ZC3H7A: variants seen among roughly 807,000 people sequenced by gnomAD.
ZC3H7A encodes the protein zinc finger CCCH-type containing 7A, also known as zinc finger CCCH domain-containing protein 7A.
In ZC3H7A, 44 loss-of-function variants were observed where a neutral mutation model predicts 125.5. The ratio of observed to expected loss-of-function variants is 0.35; its 90% confidence interval spans 0.28 to 0.45. ZC3H7A has a LOEUF of 0.45. Ranked by LOEUF, ZC3H7A falls within the 20% of genes least tolerant of loss-of-function variation. ZC3H7A has a pLI of 1.00. For synonymous variants in ZC3H7A, 399 were observed against 391.2 expected (o/e 1.02, Z -0.23); for missense variants, 977 against 1,170.7 (o/e 0.83, Z 2.41).
chr16:11,791,996 C>CA (rs1198968019), intron 1 of ZC3H7A, among the ~76,000 whole-genome samples: 1 of 152,192 alleles, frequency 6.6e-6, no homozygotes, highest in South Asian at 2.1e-4. Flanking sequence ...ACTGCAGCCT[C>CA]AACCTCCAGA....
rs554296606 is a variant in ZC3H7A, at chr16:11,786,332, A to C, written c.-34-3944T>G. On this transcript the variant is annotated intron_variant, in intron 1 of 22. Coordinates refer to ENST00000355758, the MANE Select transcript of ZC3H7A (RefSeq NM_014153.4). The stretch of plus-strand genomic sequence containing the variant: ...AGGGAACAAAAGAAAAGGATGTCTG[A>C]AACCAGGACGATGGCCACACAGTTC... Among the ~76,000 whole-genome samples, 202 of 152,308 alleles carry C rather than the reference A, an allele frequency of 1.3e-3. 3 individuals are homozygous for C. The highest frequency in any genetic ancestry group is 3.5e-3 in the South Asian group (17 of 4,834).
chr16:11,796,542 G>C (rs1419202255), intron 1 of ZC3H7A: 1 of 152,712 alleles, frequency 6.5e-6, no homozygotes, highest in African/African-American at 2.4e-5. Context: ...AGGCCTGACC[G>C]GAAGCCCCGC....
chr16:11,792,782 C>G (rs1297164680), intron 1 of ZC3H7A, among the ~76,000 whole-genome samples: 2 of 152,220 alleles, frequency 1.3e-5, no homozygotes, highest in Non-Finnish European at 2.9e-5. Flanking sequence ...GCCTATCCAC[C>G]TGGCTCTTCT....
intron 21 of ZC3H7A, among the ~76,000 whole-genome samples, chr16:11,754,470 G>C (rs1294728737): frequency 1.3e-5 from 2 of 151,734 alleles, no homozygotes; most frequent in African/African-American, 4.8e-5. Flanking sequence ...GGCCTGCAAT[G>C]GGCAATGAAA....
chr16:11,776,677 A>C, intron 5 of ZC3H7A, 74 bp downstream of exon 5: 1 of 1,534,326 alleles, frequency 6.5e-7, no homozygotes, highest in Non-Finnish European at 8.7e-7. Flanking sequence ...TGACTGGAAA[A>C]TTTAACTCTT....
At chr16:11,786,196 G>T (rs937405473) in intron 1 of ZC3H7A, among the ~76,000 whole-genome samples, 1 of 152,128 alleles carries the variant, frequency 6.6e-6, no homozygotes, top group African/African-American at 2.4e-5. Context: ...AGGGACCACC[G>T]GGCTTTTGTT....
intron 9 of ZC3H7A, among the ~76,000 whole-genome samples, chr16:11,773,277 G>A (rs902524882): frequency 2.0e-5 from 3 of 151,786 alleles, no homozygotes; most frequent in Admixed American, 6.6e-5. Context: ...CCTCCTGGGC[G>A]CAAGTGATCC....
chr16:11,760,970 T>A (rs1383798343), intron 19 of ZC3H7A, among the ~76,000 whole-genome samples: 1 of 152,190 alleles, frequency 6.6e-6, no homozygotes, highest in African/African-American at 2.4e-5. Context: ...AAGTTAGGTG[T>A]CTTGTAGCTA....
chr16:11,758,805 A>C lies in ZC3H7A; in HGVS notation c.2320-266T>G, dbSNP rs2052694784. On this transcript the variant is annotated intron_variant, in intron 19 of 22. Transcript: ENST00000355758. ...ATTTTCTTACAAGAAAATGTCTACA[A>C]ACTCACTTACTCAGAACATTTAATC... The C allele has an allele frequency of 1.1e-5, 4 of 375,180 alleles. 1 individual carries two copies. The highest frequency in any genetic ancestry group is 1.1e-4 in the South Asian group (4 of 37,650). 23.2% of individuals were successfully genotyped at this position (375,180 alleles called of 1,614,324 possible).
chr16:11,777,227 C>A (rs2053095733), intron 4 of ZC3H7A, among the ~76,000 whole-genome samples: 1 of 152,166 alleles, frequency 6.6e-6, no homozygotes, highest in East Asian at 1.9e-4. Flanking sequence ...CTCCTATTCG[C>A]TCCTCTGTAG....
Position 11,764,721 on chromosome 16 carries a change from C to CA in ZC3H7A, c.1820+331dup, listed in dbSNP as rs1245189573. Reference sequence around the variant, plus strand: ...TGGGTGACAGAGCGAGACTCTGTCTCAAAAAAAACAAACAAAAAAACCAAA... The same window carrying CA: ...TGGGTGACAGAGCGAGACTCTGTCTCAAAAAAAAACAAACAAAAAAACCAAA... On this transcript the variant is annotated intron_variant, in intron 15 of 22. Coordinates refer to ENST00000355758, the MANE Select transcript of ZC3H7A (RefSeq NM_014153.4). Among the ~76,000 whole-genome samples, 8 of 149,614 alleles carry CA rather than the reference C, an allele frequency of 5.3e-5. No homozygotes were observed. In the East Asian group the frequency reaches 5.9e-4, roughly 11 times the overall value.
At chr16:11,772,523 C>T (rs1182694788) in intron 9 of ZC3H7A, among the ~76,000 whole-genome samples, 1 of 151,776 alleles carries the variant, frequency 6.6e-6, no homozygotes, top group Non-Finnish European at 1.5e-5. Context: ...GATGAAGTAA[C>T]TTGCCCAGTA....
chr16:11,768,583 T>C (rs767310399), intron 11 of ZC3H7A, 82 bp from the exon 12 acceptor site: 7 of 1,229,746 alleles, frequency 5.7e-6, no homozygotes, highest in African/African-American at 1.5e-5. Context: ...TGAATTCATC[T>C]GAAAAATAAG....
intron 20 of ZC3H7A, among the ~76,000 whole-genome samples, chr16:11,757,017 T>A (rs1235266113): frequency 6.6e-6 from 1 of 152,142 alleles, no homozygotes; most frequent in Non-Finnish European, 1.5e-5. Context: ...TCAGCCTCCA[T>A]GTGGTTGACA....
Position 11,755,903 on chromosome 16 carries a change from G to A in ZC3H7A, c.2562+334C>T, listed in dbSNP as rs186987137. 7.6e-3 allele frequency among the ~76,000 whole-genome samples: 1,157 copies of A among 152,236 alleles called. 7 individuals carry two copies. The highest frequency in any genetic ancestry group is 0.012 in the Non-Finnish European group (821 of 68,020). On this transcript the variant is annotated intron_variant, in intron 21 of 22. Transcript: ENST00000355758. The stretch of plus-strand genomic sequence containing the variant: ...AGAAAGGCCGGGCATGGTGGCTCAC[G>A]CTTGTAATCCCAGCACTTTGGGAGG...
chr16:11,795,291 C>G, intron 1 of ZC3H7A, among the ~76,000 whole-genome samples: 1 of 152,230 alleles, frequency 6.6e-6, no homozygotes, highest in Non-Finnish European at 1.5e-5. Context: ...CACATGCCAT[C>G]AGAGAAGCAG....
intron 4 of ZC3H7A, among the ~76,000 whole-genome samples, chr16:11,778,468 A>C (rs1020186341): frequency 6.7e-6 from 1 of 150,088 alleles, no homozygotes; most frequent in Non-Finnish European, 1.5e-5. Flanking sequence ...AACACTCGTA[A>C]GAGTGTTTTT....
chr16:11,774,855 T>C (rs1179330944), intron 8 of ZC3H7A, 125 bp downstream of exon 8: 2 of 1,170,494 alleles, frequency 1.7e-6, no homozygotes, highest in Non-Finnish European at 1.2e-6. Flanking sequence ...ATTTTCACTT[T>C]CATATTAATA....
chr16:11,783,416 C>T (rs1349193079), intron 1 of ZC3H7A, among the ~76,000 whole-genome samples: 3 of 152,186 alleles, frequency 2.0e-5, no homozygotes, highest in Admixed American at 6.5e-5. Flanking sequence ...TGAGATAAAA[C>T]ATCATCTCCC....
Sources: allele counts gnomAD v4.1 joint callset (sites outside exome capture counted in the v4.1 genomes callset), GRCh38; gene constraint gnomAD v4.1.1; transcripts MANE v1.5; gene names NCBI Gene and HGNC (gene_info 2026-07-23, HGNC 2026-07-21).